The following SIGLEC11 variants were observed in gnomAD, a reference collection of about 807,000 sequenced individuals.
SIGLEC11 encodes the protein sialic acid binding Ig like lectin 11.
Under a neutral mutation model 61.2 loss-of-function variants are expected in SIGLEC11, and 47 were observed. The ratio of observed to expected loss-of-function variants is 0.77; its 90% CI spans 0.61 to 0.98. SIGLEC11 has a LOEUF of 0.98. Ranked by LOEUF, SIGLEC11 falls within the 50% of genes least tolerant of loss-of-function variation. The pLI is 0.00. For missense variants in SIGLEC11, 610 were observed against 870.3 expected (o/e 0.70, Z 3.76); for synonymous variants, 278 against 373.1 (o/e 0.75, Z 2.94).
chr19:49,952,128 C>T (rs1038544764), intron 9 of SIGLEC11, among the ~76,000 whole-genome samples, 156 bp from the exon 10 acceptor site: 1 of 152,150 alleles, frequency 6.6e-6, no homozygotes, highest in Admixed American at 6.5e-5. Context: ...TGGGGACCCT[C>T]ATAGATGGCC....
rs575148848 is a variant in SIGLEC11 at position 49,959,328 on chromosome 19, A to G, written c.1057+32T>C. ...GCCCCTGTATCCCTCTGCCCTCCCAATGGACTCCAGGCCCCTGCTAGGCAC... is the reference window on the plus strand; with the variant it reads ...GCCCCTGTATCCCTCTGCCCTCCCAGTGGACTCCAGGCCCCTGCTAGGCAC... On this transcript the variant is annotated intron_variant, in intron 5 of 10. Coordinates refer to ENST00000447370, the MANE Select transcript of SIGLEC11 (RefSeq NM_052884.3). The G allele has an allele frequency of 2.4e-4, 378 of 1,599,464 alleles. 1 individual carries two copies. The highest frequency in any genetic ancestry group is 3.0e-4 in the Admixed American group (18 of 59,072).
At position 49,949,973 on chromosome 19, in the gene SIGLEC11, C is replaced by T. The variant is rs767711776; in HGVS notation, c.2094G>A (p.Lys698=). 6.8e-7 allele frequency: 1 copy of T among 1,466,278 alleles called. No individual in the cohort carries two copies. The highest frequency in any genetic ancestry group is 1.5e-5 in the South Asian group (1 of 67,136). The allele number at this position is 1,466,278 out of a possible 1,614,324, so 90.8% of individuals were successfully genotyped here. Residue 698 remains lysine, a synonymous_variant, in exon 11 of 11, where the codon AAG becomes AAA. Transcript: ENST00000447370. ...LEREMSGMVP[K] ...TCCTGTTGCCATGGAGACCTCTTCACTTTGGAACCATCCCTGACATCTCCC... is the reference window on the plus strand; with the variant it reads ...TCCTGTTGCCATGGAGACCTCTTCATTTTGGAACCATCCCTGACATCTCCC...
At chr19:49,959,682 G>GGGGGGGGGGA in intron 4 of SIGLEC11, 59 bp from the exon 5 acceptor site, 1 of 164,080 alleles carries the variant, frequency 6.1e-6, no homozygotes, top group Admixed American at 1.1e-4. Context: ...GGGAGGGGGG[G>GGGGGGGGGGA]CTGCAAAGAG....
rs1015244485 is a variant in SIGLEC11 at position 49,961,014 on chromosome 19, A to G, written c.68T>C (p.Leu23Pro). ...MLLLPLLLPV[L>P]GAGSLNKDPS... ...GCCACCGACCCACTCACCCGCCCCC[A>G]GCACGGGCAGCAGCAGGGGCAGCAG... The change falls in exon 1 of 11, where the codon CTG becomes CCG. Residue 23 changes from leucine (L) to proline (P), a missense_variant. Physicochemically the swap from Leu to Pro is moderately conservative, Grantham distance 98. Transcript: ENST00000447370. 141 of 1,154,682 alleles carry G rather than the reference A, an allele frequency of 1.2e-4. No individual in the cohort carries two copies. Among genetic ancestry groups the G allele is most frequent in the Non-Finnish European group, 1.5e-4 (126 of 817,124 alleles). 71.5% of individuals were successfully genotyped at this position (1,154,682 alleles called of 1,614,324 possible). A position where few individuals can be genotyped will look rare whatever the true frequency, so the allele number is the denominator to read the frequency against.
intron 8 of SIGLEC11, among the ~76,000 whole-genome samples, chr19:49,957,397 C>CAA (rs56847057): frequency 6.7e-6 from 1 of 149,102 alleles, no homozygotes; most frequent in East Asian, 2.0e-4. Flanking sequence ...AAAAAAAAAA[C>CAA]AAAAAAAACC....
In SIGLEC11 at chr19:49,960,513, C is replaced by G. The variant is rs766339904; in HGVS notation, c.460+39G>C. ...CCATAGCCTGTCCCCAGGGTCCCTCCCCAGTGTGACAGGCAGGGGTTCCCA... is the reference window on the plus strand; with the variant it reads ...CCATAGCCTGTCCCCAGGGTCCCTCGCCAGTGTGACAGGCAGGGGTTCCCA... On this transcript the variant is annotated intron_variant, in intron 2 of 10. Transcript: ENST00000447370. 81 of 1,590,334 alleles carry G rather than the reference C, an allele frequency of 5.1e-5. 2 individuals carry two copies. The highest frequency in any genetic ancestry group is 6.0e-5 in the Non-Finnish European group (71 of 1,174,606).
intron 10 of SIGLEC11, among the ~76,000 whole-genome samples, chr19:49,950,608 C>T (rs955711016): frequency 1.3e-5 from 2 of 152,138 alleles, no homozygotes; most frequent in Admixed American, 1.3e-4. Flanking sequence ...GGATTCACGT[C>T]CAGGTTTCTC....
intron 10 of SIGLEC11, 80 bp from the exon 11 acceptor site, chr19:49,950,316 G>C (rs1385753170): frequency 3.7e-6 from 5 of 1,341,676 alleles, no homozygotes; most frequent in Non-Finnish European, 4.8e-6. Context: ...AGAGGATCTG[G>C]AAATTGAGTA....
Position 49,949,834 on chromosome 19 carries a change from C to T in SIGLEC11, c.*136G>A. On this transcript the variant is annotated 3_prime_UTR_variant, in exon 11 of 11. Transcript: ENST00000447370. ...TCTGGCCTGGAGGACAGAGTCAGACCCTGTCTCAAAAAAAGTATAATCTTC... is the reference window on the plus strand; with the variant it reads ...TCTGGCCTGGAGGACAGAGTCAGACTCTGTCTCAAAAAAAGTATAATCTTC... 1.1e-6 allele frequency: 1 copy of T among 951,274 alleles called. No individual in the cohort carries two copies. The highest frequency in any genetic ancestry group is 1.4e-6 in the Non-Finnish European group (1 of 717,456). The allele number at this position is 951,274 out of a possible 1,614,324, so 58.9% of individuals were successfully genotyped here. A position where few individuals can be genotyped will look rare whatever the true frequency, so the allele number is the denominator to read the frequency against.
Position 49,951,873 on chromosome 19 carries a change from C to G in SIGLEC11, c.1830+18G>C. On this transcript the variant is annotated intron_variant, in intron 10 of 10. Coordinates refer to ENST00000447370, the MANE Select transcript of SIGLEC11 (RefSeq NM_052884.3). The surrounding 1 kb of genome is among the most constrained non-coding windows in gnomAD (Gnocchi z 4.6). ...GGGGAACAGGCAGGGCCCCAGCAGA[C>G]AGAGGCTGGGCTCTCACCTGGGAGA... 6.4e-7 allele frequency: 1 copy of G among 1,571,458 alleles called. No homozygotes were observed. The highest frequency in any genetic ancestry group is 1.7e-4 in the Middle Eastern group (1 of 5,874).
In SIGLEC11 at chr19:49,960,642, C is replaced by T; in HGVS notation, c.370G>A (p.Glu124Lys). ...CSLVIRDAQR[E>K]DEAWYFFRVE... ...CGAAAGAAGTACCATGCCTCATCCT[C>T]CCTCTGCGCGTCTCTGATCACCAAG... The change falls in exon 2 of 11, where the codon GAG (glutamate) becomes AAG (lysine). Residue 124 changes from glutamate (E) to lysine (K), a missense_variant. Physicochemically the swap from Glu to Lys is moderately conservative, Grantham distance 56 (BLOSUM62 1). This residue lies in a region of SIGLEC11 where 99 missense variants were observed against 131.6 expected (regional missense o/e 0.75). Transcript: ENST00000447370. 1.2e-6 allele frequency: 2 copies of T among 1,604,844 alleles called. No homozygotes were observed. The highest frequency in any genetic ancestry group is 1.7e-6 in the Non-Finnish European group (2 of 1,179,210).
chr19:49,960,465 CCT>C (rs759245823), intron 2 of SIGLEC11, 44 bp from the exon 3 acceptor site: 2 of 1,592,622 alleles, frequency 1.3e-6, no homozygotes, highest in Non-Finnish European at 1.7e-6. Context: ...TGCAGGGGTC[CCT>C]GAGAGCCCTC....
At chr19:49,958,956 T>C (rs1015748674) in intron 6 of SIGLEC11, 56 bp from the exon 7 acceptor site, 174 of 1,612,580 alleles carry the variant, frequency 1.1e-4, no homozygotes, top group South Asian at 1.4e-4. Context: ...GACCCTCCTG[T>C]GTGGGGACCC....
At chr19:49,954,392 A>G (rs2076181314) in intron 8 of SIGLEC11, among the ~76,000 whole-genome samples, 1 of 152,202 alleles carries the variant, frequency 6.6e-6, no homozygotes, top group African/African-American at 2.4e-5. Flanking sequence ...TCAAAAGGCC[A>G]GGGAAGGAAG....
chr19:49,950,383 C>A, intron 10 of SIGLEC11, 147 bp from the exon 11 acceptor site: 1 of 774,826 alleles, frequency 1.3e-6, no homozygotes, highest in Non-Finnish European at 1.9e-6. Context: ...TTCATTCACT[C>A]ATTCATTCAT....
chr19:49,957,585 TTA>T (rs927379523), intron 8 of SIGLEC11, among the ~76,000 whole-genome samples: 2 of 152,210 alleles, frequency 1.3e-5, no homozygotes, highest in Non-Finnish European at 2.9e-5. Context: ...TTAAGCACAA[TTA>T]TGTTTCACAA....
In SIGLEC11 at chr19:49,958,795, G is replaced by C. The variant is rs761215724; in HGVS notation, c.1211C>G (p.Thr404Ser). 2 of 1,613,488 alleles carry C rather than the reference G, an allele frequency of 1.2e-6. No individual in the cohort carries two copies. The highest frequency in any genetic ancestry group is 1.1e-5 in the South Asian group (1 of 90,998). The change falls in exon 7 of 11, where the codon ACC becomes AGC. Residue 404 changes from threonine to serine, a missense_variant. Physicochemically the swap from Thr to Ser is moderately conservative, Grantham distance 58 (BLOSUM62 1). This residue lies in a region of SIGLEC11 where 432 missense variants were observed against 441.5 expected (regional missense o/e 0.98). Coordinates refer to ENST00000447370, the MANE Select transcript of SIGLEC11 (RefSeq NM_052884.3). The stretch of plus-strand genomic sequence containing the variant: ...GGGGCCCACGGTCTGTCCCCACCGG[G>C]TCCAGCTCAGCCTGGCTGGGGGGCT... ...HSSPPARLSW[T>S]RWGQTVGPSQ...
chr19:49,959,435 C>A lies in SIGLEC11; in HGVS notation c.982G>T (p.Asp328Tyr). 6.3e-7 allele frequency: 1 copy of A among 1,595,758 alleles called. No individual in the cohort carries two copies. The highest frequency in any genetic ancestry group is 8.5e-7 in the Non-Finnish European group (1 of 1,179,220). Residue 328 changes from aspartate to tyrosine, a missense_variant, in exon 5 of 11, where the codon GAT (aspartate) becomes TAT (tyrosine). Asp to Tyr is a radical substitution (Grantham distance 160). Coordinates refer to ENST00000447370, the MANE Select transcript of SIGLEC11 (RefSeq NM_052884.3). ...GLELRGVRAG[D>Y]SGRYTCRAEN... ...GCTCGGCAGGTGTAGCGCCCTGAAT[C>A]CCCGGCCCTTACCCCACGCAGCTCC... is the stretch of plus-strand genomic sequence containing the variant.
At position 49,960,381 on chromosome 19, in the gene SIGLEC11, C is replaced by T. The variant is rs1163638107; in HGVS notation, c.501G>A (p.Leu167=). Residue 167 remains leucine, a synonymous_variant, in exon 3 of 11, where the codon CTG becomes CTA. Transcript: ENST00000447370. ...KKPDVYIPET[L]EPGQPVTVIC... ...TGACCGTCACCGGCTGCCCGGGCTC[C>T]AGGGTCTCGGGGATGTAGACATCAG... 6.3e-7 allele frequency: 1 copy of T among 1,598,488 alleles called. No homozygotes were observed. The highest frequency in any genetic ancestry group is 2.2e-5 in the East Asian group (1 of 44,878).
Sources: allele counts gnomAD v4.1 joint callset (sites outside exome capture counted in the v4.1 genomes callset), GRCh38; gene constraint gnomAD v4.1.1; regional missense constraint gnomAD v4.1.1; non-coding constraint Gnocchi (gnomAD v3.1); transcripts MANE v1.5; gene names NCBI Gene and HGNC (gene_info 2026-07-23, HGNC 2026-07-21).